Variants in ADGRA3 observed in about 807,000 individuals in gnomAD.
ADGRA3 encodes the protein G-protein coupled receptor 125.
ADGRA3 carries 56 observed loss-of-function variants against 119.8 expected under a neutral mutation model. The observed-to-expected ratio is 0.47, with a 90% CI of 0.38 to 0.58. The LOEUF (loss-of-function observed/expected upper bound fraction) is 0.58, where lower values mean the gene tolerates loss of function less well. Ranked by LOEUF, ADGRA3 falls within the 20% of genes least tolerant of loss-of-function variation. The probability of loss-of-function intolerance (pLI) is 0.00; values close to 1 mark genes in which losing one functional copy is unlikely to be tolerated. For synonymous variants in ADGRA3, 607 were observed against 623.8 expected (o/e 0.97, Z 0.40); for missense variants, 1,516 against 1,649.0 (o/e 0.92, Z 1.40).
chr4:22,388,070 T>C lies in ADGRA3; in HGVS notation c.3601A>G (p.Ser1201Gly). ...CTTTTAGGTAAGCCGTTCTGCACGC[T>C]TCCTTCCACGCTCGTTGGGACATCG... ...AYDVPTSVEG[S>G]VQNGLPKSRL... is the part of the protein sequence containing the mutation. Residue 1201 changes from serine (S) to glycine (G), a missense_variant, in exon 19 of 19, where the codon AGC becomes GGC. Ser to Gly is a moderately conservative substitution (Grantham distance 56, BLOSUM62 0). Around this residue, in one of 2 missense-constraint regions of ADGRA3, gnomAD observed 1,088 missense variants for 1,107.1 expected, o/e 0.98. Transcript: ENST00000334304. 6.2e-7 allele frequency: 1 copy of C among 1,614,178 alleles called. No homozygotes were observed. The highest frequency in any genetic ancestry group is 8.5e-7 in the Non-Finnish European group (1 of 1,180,004).
chr4:22,430,492 T>G (rs1174887142), intron 10 of ADGRA3, among the ~76,000 whole-genome samples: 1 of 152,126 alleles, frequency 6.6e-6, no homozygotes, highest in Non-Finnish European at 1.5e-5. Flanking sequence ...CTCTAGAGAT[T>G]TGTGGAAATT....
chr4:22,497,800 C>A (rs1007234291), intron 1 of ADGRA3, among the ~76,000 whole-genome samples: 1 of 149,608 alleles, frequency 6.7e-6, no homozygotes, highest in Non-Finnish European at 1.5e-5. Context: ...AGTGTTCAGG[C>A]CGGGTGTGGT....
intron 7 of ADGRA3, 36 bp from the exon 8 acceptor site, chr4:22,438,456 T>G: frequency 6.4e-7 from 1 of 1,555,626 alleles, no homozygotes; most frequent in East Asian, 2.3e-5. Context: ...AGAGAAAATA[T>G]AATTAGGCAA....
chr4:22,472,876 A>C (rs1470665495), intron 2 of ADGRA3: 1 of 152,170 alleles, frequency 6.6e-6, no homozygotes, highest in Non-Finnish European at 1.5e-5. Flanking sequence ...ATTTTATCCT[A>C]AATGCATGAG....
intron 12 of ADGRA3, among the ~76,000 whole-genome samples, chr4:22,418,051 A>C (rs1715498472): frequency 6.6e-6 from 1 of 152,194 alleles, no homozygotes; most frequent in South Asian, 2.1e-4. Context: ...CCCTCAGTAA[A>C]AGTAAAGTAG....
At chr4:22,402,374 CTT>C (rs1577325343) in intron 15 of ADGRA3, among the ~76,000 whole-genome samples, 1 of 152,100 alleles carries the variant, frequency 6.6e-6, no homozygotes, top group East Asian at 1.9e-4. Context: ...TTCCGCCTCA[CTT>C]TACCTCCTAT....
At chr4:22,425,031 TGCCACTGCACTCTA>T (rs1715874156) in intron 10 of ADGRA3, among the ~76,000 whole-genome samples, 1 of 148,824 alleles carries the variant, frequency 6.7e-6, no homozygotes, top group Non-Finnish European at 1.5e-5. Flanking sequence ...GCCGAGATCG[TGCCACTGCACTCTA>T]GCCTGGACAA....
intron 3 of ADGRA3, among the ~76,000 whole-genome samples, chr4:22,461,351 C>CT (rs1468260303): frequency 2.0e-5 from 3 of 152,336 alleles, no homozygotes; most frequent in East Asian, 1.9e-4. Flanking sequence ...CTCGCTCTGT[C>CT]TTGCAGTGGC....
chr4:22,408,106 A>G (rs914092757), intron 14 of ADGRA3, among the ~76,000 whole-genome samples: 6 of 152,134 alleles, frequency 3.9e-5, no homozygotes, highest in Non-Finnish European at 8.8e-5. Flanking sequence ...AAAGAATACA[A>G]ATTTAAAGAT....
At chr4:22,455,858 T>A (rs570914108) in intron 3 of ADGRA3, 1 of 1,275,940 alleles carries the variant, frequency 7.8e-7, no homozygotes, top group East Asian at 5.6e-5. Flanking sequence ...CTTAGCCCTA[T>A]GCAAGAAAAC....
chr4:22,497,591 G>A (rs1250243026), intron 1 of ADGRA3, among the ~76,000 whole-genome samples: 2 of 152,078 alleles, frequency 1.3e-5, no homozygotes, highest in Non-Finnish European at 2.9e-5. Flanking sequence ...GGAAGCCAAG[G>A]CGGGAAGATC....
intron 10 of ADGRA3, among the ~76,000 whole-genome samples, chr4:22,431,538 T>A (rs907171899): frequency 1.1e-4 from 17 of 152,214 alleles, no homozygotes; most frequent in Admixed American, 9.2e-4. Flanking sequence ...TCACAAAATC[T>A]GATGGTTTTA....
chr4:22,481,540 T>C (rs1166862651), intron 1 of ADGRA3, among the ~76,000 whole-genome samples: 1 of 152,224 alleles, frequency 6.6e-6, no homozygotes, highest in Non-Finnish European at 1.5e-5. Context: ...CCTTAAAGGT[T>C]TGTTGAAAAC....
chr4:22,449,007 C>T (rs914240719), intron 4 of ADGRA3, among the ~76,000 whole-genome samples: 13 of 152,188 alleles, frequency 8.5e-5, no homozygotes, highest in African/African-American at 1.4e-4. Flanking sequence ...CAGTGGCTCA[C>T]GCCTATAATC....
chr4:22,504,251 C>CA (rs1473528550), intron 1 of ADGRA3, among the ~76,000 whole-genome samples: 1 of 151,536 alleles, frequency 6.6e-6, no homozygotes, highest in Non-Finnish European at 1.5e-5. Flanking sequence ...AAAAAAAAGA[C>CA]AAAAAATGTA....
chr4:22,438,119 T>A (rs1716467650), intron 8 of ADGRA3, 137 bp downstream of exon 8: 4 of 595,622 alleles, frequency 6.7e-6, no homozygotes, highest in South Asian at 3.5e-5. Flanking sequence ...TCTGAAATCA[T>A]TATTCTAAAG....
chr4:22,421,052 T>G lies in ADGRA3; in HGVS notation c.1643A>C (p.Lys548Thr). ...GGTCATCCCCGTGAAGCCAGTAGAC[T>G]TGATGACATAAGCTTCCAGAGCAAT... ...PNIALEAYVI[K>T]STGFTGMTCT... is the part of the protein sequence containing the mutation. The change falls in exon 12 of 19, where the codon AAG becomes ACG. Residue 548 changes from lysine (K) to threonine (T), a missense_variant. By Grantham distance (78) the Lys-to-Thr change is moderately conservative. Around this residue, in one of 2 missense-constraint regions of ADGRA3, gnomAD observed 1,088 missense variants for 1,107.1 expected, o/e 0.98. Coordinates refer to ENST00000334304, the MANE Select transcript of ADGRA3 (RefSeq NM_145290.4). The G allele has an allele frequency of 6.2e-7, 1 of 1,614,030 alleles. No individual in the cohort carries two copies. Among genetic ancestry groups the G allele is most frequent in the Non-Finnish European group, 8.5e-7 (1 of 1,179,924 alleles).
intron 9 of ADGRA3, 122 bp from the exon 10 acceptor site, chr4:22,435,588 T>A (rs899196078): frequency 3.6e-6 from 3 of 832,380 alleles, no homozygotes; most frequent in Admixed American, 5.9e-5. Context: ...TATTTACTCA[T>A]CATGGCCTTC....
Position 22,436,601 on chromosome 4 carries a change from A to G in ADGRA3, c.1126T>C (p.Cys376Arg). The G allele has an allele frequency of 6.2e-7, 1 of 1,614,130 alleles. No individual in the cohort carries two copies. The highest frequency in any genetic ancestry group is 8.5e-7 in the Non-Finnish European group (1 of 1,180,002). Residue 376 changes from cysteine to arginine, a missense_variant, in exon 9 of 19, where the codon TGT becomes CGT. Transcript: ENST00000334304. ...TLAGITAYLQ[C>R]TRNTHGSGIY... Reference sequence around the variant, plus strand: ...CCACTGCCATGGGTGTTCCGCGTACACTGCAGATATGCAGTAATGCCTGCC... The same window carrying G: ...CCACTGCCATGGGTGTTCCGCGTACGCTGCAGATATGCAGTAATGCCTGCC...
Sources: gnomAD v4.1 joint callset for allele counts (sites outside exome capture counted in the v4.1 genomes callset) on GRCh38, gnomAD v4.1.1 for gene constraint, gnomAD v4.1.1 regional missense constraint, MANE v1.5 for transcripts, NCBI Gene and HGNC (gene_info 2026-07-23, HGNC 2026-07-21) for gene names.